The following ZSWIM6 variants were observed in gnomAD, a reference collection of about 807,000 sequenced individuals.
ZSWIM6 encodes zinc finger SWIM domain-containing protein 6.
In ZSWIM6, 9 loss-of-function variants were observed where a neutral mutation model predicts 113.2. The observed-to-expected ratio is 0.08, with a 90% CI of 0.05 to 0.14. ZSWIM6 has a LOEUF of 0.14. Among genes scored for constraint, ZSWIM6 ranks in the 10% least tolerant of loss-of-function variants. ZSWIM6 has a pLI of 1.00. For missense variants in ZSWIM6, 1,162 were observed against 1,552.2 expected, an observed-to-expected ratio of 0.75 and a Z score of 4.22; for synonymous variants, 611 against 606.5, an observed-to-expected ratio of 1.01 and a Z score of -0.11.
At chr5:61,519,379 C>T (rs895252293) in intron 4 of ZSWIM6, among the ~76,000 whole-genome samples, 1 of 151,962 alleles carries the variant, frequency 6.6e-6, no homozygotes, top group Non-Finnish European at 1.5e-5. Context: ...CTGCATGTGT[C>T]GTTTATAAAG....
intron 1 of ZSWIM6, chr5:61,390,925 C>T (rs1455140370): frequency 3.6e-6 from 3 of 827,828 alleles, no homozygotes; most frequent in Non-Finnish European, 6.3e-6. Flanking sequence ...TGGACAAAGG[C>T]CCCCAGAGGG....
chr5:61,444,281 C>A (rs902752194), intron 1 of ZSWIM6, among the ~76,000 whole-genome samples: 3 of 152,116 alleles, frequency 2.0e-5, no homozygotes, highest in Admixed American at 1.3e-4. Flanking sequence ...ATGAACTCAT[C>A]ATAATTTATG....
intron 1 of ZSWIM6, among the ~76,000 whole-genome samples, chr5:61,436,436 T>C (rs1003985277): frequency 2.6e-5 from 4 of 152,214 alleles, no homozygotes; most frequent in African/African-American, 4.8e-5. Context: ...TGTCACACTG[T>C]TCATTAAATA....
chr5:61,337,072 G>A (rs1168815442), intron 1 of ZSWIM6, among the ~76,000 whole-genome samples: 1 of 152,184 alleles, frequency 6.6e-6, no homozygotes, highest in African/African-American at 2.4e-5. Flanking sequence ...CCTGAGGTCA[G>A]GGGTTAGAGA....
intron 1 of ZSWIM6, among the ~76,000 whole-genome samples, chr5:61,397,168 T>A (rs1745853688): frequency 6.6e-6 from 1 of 152,250 alleles, no homozygotes; most frequent in Non-Finnish European, 1.5e-5. Flanking sequence ...AGACTCAATC[T>A]AAAAACCATT....
chr5:61,403,381 G>T (rs1745977604), intron 1 of ZSWIM6, among the ~76,000 whole-genome samples: 1 of 152,194 alleles, frequency 6.6e-6, no homozygotes, highest in African/African-American at 2.4e-5. Flanking sequence ...GTAAAAAATG[G>T]CCTAAGATTT....
At chr5:61,364,197 A>G (rs1745105456) in intron 1 of ZSWIM6, among the ~76,000 whole-genome samples, 1 of 152,020 alleles carries the variant, frequency 6.6e-6, no homozygotes, top group Non-Finnish European at 1.5e-5. Context: ...GGCACGCACC[A>G]CCATGCCCGG....
intron 1 of ZSWIM6, among the ~76,000 whole-genome samples, chr5:61,334,414 G>A (rs1744344388): frequency 6.6e-6 from 1 of 152,192 alleles, no homozygotes; most frequent in East Asian, 1.9e-4. Flanking sequence ...GGCACCGAAT[G>A]AATGGGGATA....
intron 4 of ZSWIM6, among the ~76,000 whole-genome samples, chr5:61,508,908 T>G (rs1424854142): frequency 6.6e-6 from 1 of 152,134 alleles, no homozygotes; most frequent in African/African-American, 2.4e-5. Flanking sequence ...GAGAGAGAAT[T>G]TCTAACTTAC....
At chr5:61,392,523 C>T (rs749966688) in intron 1 of ZSWIM6, among the ~76,000 whole-genome samples, 4 of 152,270 alleles carry the variant, frequency 2.6e-5, no homozygotes, top group Non-Finnish European at 5.9e-5. Flanking sequence ...CATGTGTGCT[C>T]ACATGCACAT....
chr5:61,406,122 A>G (rs1431181274), intron 1 of ZSWIM6, among the ~76,000 whole-genome samples: 1 of 152,132 alleles, frequency 6.6e-6, no homozygotes, highest in Non-Finnish European at 1.5e-5. Flanking sequence ...CTCCATTAAC[A>G]CACAGGTACT....
chr5:61,495,704 C>T (rs1212458160), intron 4 of ZSWIM6, among the ~76,000 whole-genome samples: 1 of 152,092 alleles, frequency 6.6e-6, no homozygotes, highest in Non-Finnish European at 1.5e-5. Flanking sequence ...AAGTATAATG[C>T]ATGGTTTAAA....
At position 61,535,500 on chromosome 5, in the gene ZSWIM6, T is replaced by C. The variant is rs754307219; in HGVS notation, c.2262T>C (p.Gly754=). ...VFLLEAGPYS[G]LGEIIHRESV... is the part of the protein sequence containing the mutation. ...TTCCCACAGCCGGACCATATAGTGG[T>C]TTAGGTGAAATAATCCATCGGGAGA... Residue 754 remains glycine, a synonymous_variant, in exon 10 of 14, where the codon GGT becomes GGC. Coordinates refer to ENST00000252744, the MANE Select transcript of ZSWIM6 (RefSeq NM_020928.2). The C allele has an allele frequency of 1.5e-5, 23 of 1,551,230 alleles. No homozygotes were observed. The East Asian group carries it at 2.9e-4, about 20-fold the overall frequency.
intron 1 of ZSWIM6, among the ~76,000 whole-genome samples, chr5:61,456,402 A>G (rs1041741426): frequency 3.9e-5 from 6 of 152,230 alleles, no homozygotes; most frequent in African/African-American, 1.2e-4. Context: ...ATAAAAAAGT[A>G]TGTAAATGTA....
intron 1 of ZSWIM6, among the ~76,000 whole-genome samples, chr5:61,435,043 T>A (rs6885005): frequency 0.36 from 54,046 of 151,932 alleles, 9,791 homozygotes; most frequent in African/African-American, 0.41. Flanking sequence ...CCGAGAGATA[T>A]AGTACCTGTG....
At chr5:61,513,924 T>C (rs1748861974) in intron 4 of ZSWIM6, among the ~76,000 whole-genome samples, 1 of 152,134 alleles carries the variant, frequency 6.6e-6, no homozygotes, top group Non-Finnish European at 1.5e-5. Context: ...TTTTAAAAAT[T>C]GTTTTGGCTA....
intron 4 of ZSWIM6, among the ~76,000 whole-genome samples, chr5:61,513,711 C>T (rs146825618): frequency 6.6e-6 from 1 of 152,074 alleles, no homozygotes; most frequent in East Asian, 1.9e-4. Context: ...TTCCCAACAC[C>T]AGTTGTTGAA....
intron 2 of ZSWIM6, among the ~76,000 whole-genome samples, chr5:61,482,892 G>A (rs1304322284): frequency 7.2e-6 from 1 of 139,530 alleles, no homozygotes; most frequent in Non-Finnish European, 1.6e-5. Flanking sequence ...CAACTGGTAT[G>A]TAGACTTTGG....
intron 1 of ZSWIM6, among the ~76,000 whole-genome samples, chr5:61,438,021 G>A (rs1415311615): frequency 6.6e-6 from 1 of 152,034 alleles, no homozygotes; most frequent in African/African-American, 2.4e-5. Context: ...TTCCTGCTGA[G>A]TATGAAGGTT....
Sources: allele counts gnomAD v4.1 joint callset (sites outside exome capture counted in the v4.1 genomes callset), GRCh38; gene constraint gnomAD v4.1.1; transcripts MANE v1.5; gene names NCBI Gene and HGNC (gene_info 2026-07-23, HGNC 2026-07-21).